Variants in NAV3 observed in about 807,000 individuals in gnomAD.
NAV3 encodes the protein pore membrane and/or filament interacting like protein 1.
In NAV3, 87 loss-of-function variants were observed where a neutral mutation model predicts 244.7. That is an observed-to-expected ratio of 0.36 (90% CI 0.30 to 0.42). The LOEUF (loss-of-function observed/expected upper bound fraction) is 0.42. Ranked by LOEUF, NAV3 falls within the 20% of genes least tolerant of loss-of-function variation. The pLI, the probability that NAV3 is intolerant of heterozygous loss-of-function variation, is 1.00. For synonymous variants in NAV3, 1,126 were observed against 1,042.2 expected (o/e 1.08, Z -1.55); for missense variants, 2,663 against 2,893.3 (o/e 0.92, Z 1.83).
intron 1 of NAV3, among the ~76,000 whole-genome samples, chr12:77,923,144 T>C (rs1337562538): frequency 6.6e-6 from 1 of 151,984 alleles, no homozygotes; most frequent in East Asian, 1.9e-4. Flanking sequence ...ATAATTAATA[T>C]AAACTACATT....
At chr12:77,826,921 G>A (rs1178148431), upstream of NAV3, among the ~76,000 whole-genome samples, 2 of 152,122 alleles carry the variant, frequency 1.3e-5, no homozygotes, top group Non-Finnish European at 2.9e-5. Flanking sequence ...CAATCAAGCT[G>A]TTAAAAATAG....
At chr12:77,851,973 C>T (rs1877601678) in intron 1 of NAV3, among the ~76,000 whole-genome samples, 1 of 152,090 alleles carries the variant, frequency 6.6e-6, no homozygotes, top group Non-Finnish European at 1.5e-5. Context: ...ATAACTAGAG[C>T]TAAGAAACAT....
intron 2 of NAV3, among the ~76,000 whole-genome samples, chr12:77,805,655 TAGTA>T (rs148614724): frequency 0.34 from 51,215 of 151,624 alleles, 9,886 homozygotes; most frequent in East Asian, 0.46. Flanking sequence ...TGCCAGGTTT[TAGTA>T]TCAGGATGAT....
intron 37 of NAV3, 90 bp from the exon 38 acceptor site, chr12:78,200,383 A>T: frequency 1.3e-6 from 1 of 753,836 alleles, no homozygotes; most frequent in Non-Finnish European, 2.0e-6. Flanking sequence ...ATTTTGCAAG[A>T]AATATATTAT....
intron 2 of NAV3, among the ~76,000 whole-genome samples, chr12:77,658,212 T>C (rs1356721201): frequency 2.0e-5 from 3 of 152,068 alleles, no homozygotes; most frequent in Non-Finnish European, 4.4e-5. Context: ...GAAAACCCCA[T>C]TGTCTCAGCC....
intron 5 of NAV3, among the ~76,000 whole-genome samples, chr12:77,973,965 GAA>G (rs59154803): frequency 0.12 from 17,602 of 151,978 alleles, 1,197 homozygotes; most frequent in South Asian, 0.15. Flanking sequence ...TCTCTAGAGA[GAA>G]ATAATTGAAG....
chr12:77,951,087 G>A (rs1162257305), intron 3 of NAV3, among the ~76,000 whole-genome samples: 1 of 152,146 alleles, frequency 6.6e-6, no homozygotes, highest in Non-Finnish European at 1.5e-5. Flanking sequence ...TTAAACTAAA[G>A]AGCTTCTGCA....
chr12:77,974,072 C>T lies in NAV3; in HGVS notation c.671+5370C>T, dbSNP rs56955831. ...TGTGCACGTGCACACACTTTTGTTA[C>T]GTTCTAACACTGGTGTTTCGGTTGT... On this transcript the variant is annotated intron_variant, in intron 5 of 39. Coordinates refer to ENST00000397909, the MANE Select transcript of NAV3 (RefSeq NM_001024383.2). Among the ~76,000 whole-genome samples the T allele has an allele frequency of 3.3e-5, 5 of 151,882 alleles. 1 individual carries two copies. In the South Asian group the frequency reaches 8.3e-4, roughly 25 times the overall value.
intron 2 of NAV3, among the ~76,000 whole-genome samples, chr12:77,788,646 T>C (rs935745744): frequency 6.6e-6 from 1 of 151,568 alleles, no homozygotes; most frequent in Admixed American, 6.6e-5. Flanking sequence ...TTTTCAGGTG[T>C]TTCCTCCTCC....
At chr12:77,650,584 A>T (rs1272630210) in intron 2 of NAV3, among the ~76,000 whole-genome samples, 1 of 152,186 alleles carries the variant, frequency 6.6e-6, no homozygotes, top group Non-Finnish European at 1.5e-5. Context: ...TACATGTATT[A>T]TGAACCATTA....
chr12:77,682,529 A>T (rs1874520238), intron 2 of NAV3, among the ~76,000 whole-genome samples: 1 of 152,150 alleles, frequency 6.6e-6, no homozygotes, highest in Non-Finnish European at 1.5e-5. Context: ...AGTAATAGAA[A>T]TGCTGGATCA....
At chr12:77,588,586 A>C (rs890637347) in intron 2 of NAV3, among the ~76,000 whole-genome samples, 2 of 152,172 alleles carry the variant, frequency 1.3e-5, no homozygotes, top group African/African-American at 4.8e-5. Flanking sequence ...ACAAGGTTTC[A>C]GGCACCTTAA....
Position 78,117,908 on chromosome 12 carries a change from G to A in NAV3, c.2770-119G>A. On this transcript the variant is annotated intron_variant, in intron 13 of 39. Transcript: ENST00000397909. ...CTAAAATTAATAAAATGTAAGTGAA[G>A]GTAAATCAAAATAGAATCTTTGGAT... 7.9e-6 allele frequency: 8 copies of A among 1,007,046 alleles called. No individual in the cohort carries two copies. In the South Asian group the frequency reaches 2.1e-4, roughly 26 times the overall value. 62.4% of individuals were successfully genotyped at this position (1,007,046 alleles called of 1,614,324 possible).
At chr12:77,738,207 T>C (rs557422652) in intron 2 of NAV3, among the ~76,000 whole-genome samples, 2 of 152,338 alleles carry the variant, frequency 1.3e-5, no homozygotes, top group East Asian at 1.9e-4. Context: ...GTTTTTAAGA[T>C]TGCTCCTAAT....
At chr12:78,164,582 T>C (rs957687718) in intron 23 of NAV3, among the ~76,000 whole-genome samples, 1 of 152,142 alleles carries the variant, frequency 6.6e-6, no homozygotes, top group African/African-American at 2.4e-5. Context: ...CCATTAATCT[T>C]TGGGGCATAG....
At chr12:78,034,180 T>C (rs1879464134) in intron 9 of NAV3, among the ~76,000 whole-genome samples, 1 of 152,202 alleles carries the variant, frequency 6.6e-6, no homozygotes, top group Non-Finnish European at 1.5e-5. Flanking sequence ...TGGTTTATCA[T>C]TGTAGGATGT....
In NAV3 at chr12:77,656,813, A is replaced by G. The variant is rs1295364460; in HGVS notation, c.72+84547A>G. On this transcript the variant is annotated intron_variant, in intron 2 of 8. Coordinates refer to the NAV3 transcript ENST00000550042. ...CTCAGGATTAAGAAACTCACTCAAA[A>G]CCGCTCAACTACATGGAAACTGAAC... 5.3e-5 allele frequency among the ~76,000 whole-genome samples: 8 copies of G among 151,844 alleles called. No individual in the cohort carries two copies. In the South Asian group the frequency reaches 1.2e-3, roughly 24 times the overall value.
intron 5 of NAV3, among the ~76,000 whole-genome samples, chr12:77,993,202 C>A (rs1348161697): frequency 1.3e-5 from 2 of 152,106 alleles, no homozygotes; most frequent in Non-Finnish European, 2.9e-5. Flanking sequence ...GTGGCTTCAA[C>A]TCACTAAAAG....
chr12:77,692,795 C>T (rs1459455162), intron 2 of NAV3, among the ~76,000 whole-genome samples: 1 of 151,908 alleles, frequency 6.6e-6, no homozygotes, highest in Admixed American at 6.6e-5. Flanking sequence ...CCTTATAAAG[C>T]TTAATAGTCC....
Sources: allele counts gnomAD v4.1 joint callset (sites outside exome capture counted in the v4.1 genomes callset), GRCh38; gene constraint gnomAD v4.1.1; transcripts MANE v1.5; gene names NCBI Gene and HGNC (gene_info 2026-07-23, HGNC 2026-07-21).